ZNF577: variants seen among roughly 807,000 people sequenced by gnomAD.
The protein encoded by ZNF577 is zinc finger protein 577.
In ZNF577, 14 loss-of-function variants were observed where a neutral mutation model predicts 13.9. The ratio of observed to expected loss-of-function variants is 1.00; its 90% CI spans 0.66 to 1.57. The LOEUF is 1.57. Ranked by LOEUF, ZNF577 falls within the 40% of genes most tolerant of loss-of-function variation. ZNF577 has a pLI of 0.00. For missense variants in ZNF577, 555 were observed against 579.2 expected, an observed-to-expected ratio of 0.96 and a Z score of 0.43; for synonymous variants, 203 against 202.9, an observed-to-expected ratio of 1.00 and a Z score of 0.00.
chr19:51,813,283 T>C (rs559338905), intron 9 of ZNF577, among the ~76,000 whole-genome samples: 2 of 152,222 alleles, frequency 1.3e-5, no homozygotes, highest in South Asian at 4.1e-4. Context: ...CCTCACATGG[T>C]AAAAGGGAAA....
Position 51,869,654 on chromosome 19 carries a change from C to A in ZNF577, c.*2878G>T, listed in dbSNP as rs889998343. 6.6e-6 allele frequency among the ~76,000 whole-genome samples: 1 copy of A among 152,028 alleles called. No homozygotes were observed. The highest frequency in any genetic ancestry group is 2.4e-5 in the African/African-American group (1 of 41,304). On this transcript the variant is annotated 3_prime_UTR_variant, in exon 6 of 6. Transcript: ENST00000638348. ...ATTTCTTTTCTCAGTCTCTCGTCCC[C>A]CCTGACGAGAAACACCCACAGGTGT...
At chr19:51,823,603 TTTATG>T in intron 9 of ZNF577, 1 of 689,656 alleles carries the variant, frequency 1.5e-6, no homozygotes, top group East Asian at 2.8e-5. Flanking sequence ...GAGTGCCAAT[TTTATG>T]TTATAACCAT....
chr19:51,852,957 G>A (rs931365461), intron 5 of ZNF577, among the ~76,000 whole-genome samples: 13 of 149,402 alleles, frequency 8.7e-5, no homozygotes, highest in Non-Finnish European at 1.6e-4. Context: ...TTGAGACAGG[G>A]TTTCACTCCC....
At chr19:51,866,179 A>T (rs574196502), downstream of ZNF577, among the ~76,000 whole-genome samples, 58 of 152,052 alleles carry the variant, frequency 3.8e-4, 2 homozygotes, top group South Asian at 7.7e-3. Context: ...GAAATGACAA[A>T]GACTTGAACA....
chr19:51,818,410 G>T (rs2084160359), intron 9 of ZNF577, among the ~76,000 whole-genome samples: 1 of 152,118 alleles, frequency 6.6e-6, no homozygotes, highest in Non-Finnish European at 1.5e-5. Context: ...GTTTCCATTG[G>T]ACAGTGCTAT....
Position 51,870,882 on chromosome 19 carries a change from G to C in ZNF577, c.*1650C>G, listed in dbSNP as rs7255977. ...AGGCTCATCTCATTGTTTCCTTTCT[G>C]TCATGGAAAGCTGTCCTAAGCCCTT... On this transcript the variant is annotated 3_prime_UTR_variant, in exon 6 of 6. Coordinates refer to ENST00000638348, the MANE Select transcript of ZNF577 (RefSeq NM_001370449.1). Among the ~76,000 whole-genome samples, 17,429 of 152,096 alleles carry C rather than the reference G, an allele frequency of 0.11. 1,968 individuals are homozygous for C. The highest frequency in any genetic ancestry group is 0.27 in the African/African-American group (11,332 of 41,426).
chr19:51,828,650 T>C (rs1379213090), intron 9 of ZNF577, among the ~76,000 whole-genome samples: 2 of 152,230 alleles, frequency 1.3e-5, no homozygotes, highest in Non-Finnish European at 2.9e-5. Context: ...CTGAGATTTT[T>C]TTTTTAAAGT....
At chr19:51,849,423 T>C (rs1238882578) in intron 5 of ZNF577, among the ~76,000 whole-genome samples, 1 of 152,172 alleles carries the variant, frequency 6.6e-6, no homozygotes, top group Non-Finnish European at 1.5e-5. Flanking sequence ...AGGCGTTTCG[T>C]TCATGAGAAT....
At chr19:51,876,375 T>C (rs2084762805) in intron 5 of ZNF577, among the ~76,000 whole-genome samples, 1 of 151,866 alleles carries the variant, frequency 6.6e-6, no homozygotes. Context: ...ACATGCTACT[T>C]TGCGAGTCTC....
At chr19:51,807,026 G>A (rs2084063719) in intron 10 of ZNF577, among the ~76,000 whole-genome samples, 1 of 152,200 alleles carries the variant, frequency 6.6e-6, no homozygotes, top group Non-Finnish European at 1.5e-5. Context: ...CTTTATGGTT[G>A]ACAATGTTGA....
At chr19:51,815,977 G>C (rs4802870) in intron 9 of ZNF577, among the ~76,000 whole-genome samples, 1 of 151,918 alleles carries the variant, frequency 6.6e-6, no homozygotes, top group South Asian at 2.1e-4. Flanking sequence ...TGAGGTGGGA[G>C]GATCACTTGA....
intron 1 of ZNF577, chr19:51,886,047 A>G (rs1359599713): frequency 6.6e-6 from 1 of 152,224 alleles, no homozygotes; most frequent in Non-Finnish European, 1.5e-5. Flanking sequence ...AAGAATGTGT[A>G]CCTTAGGATT....
chr19:51,821,412 A>G (rs1293214445), intron 9 of ZNF577, among the ~76,000 whole-genome samples: 1 of 152,196 alleles, frequency 6.6e-6, no homozygotes, highest in East Asian at 1.9e-4. Context: ...AGTTGCTACT[A>G]GCATCGGTGG....
intron 10 of ZNF577, among the ~76,000 whole-genome samples, chr19:51,806,625 G>T (rs1599832150): frequency 6.6e-6 from 1 of 152,124 alleles, no homozygotes; most frequent in East Asian, 1.9e-4. Context: ...CCTGTTTTAT[G>T]GGTTATAGCC....
intron 8 of ZNF577, among the ~76,000 whole-genome samples, chr19:51,842,308 G>A (rs540846847): frequency 7.9e-5 from 12 of 152,310 alleles, no homozygotes; most frequent in Admixed American, 7.2e-4. Context: ...TTAATCCTCA[G>A]TGCAGCAGTG....
intron 5 of ZNF577, among the ~76,000 whole-genome samples, chr19:51,845,221 A>G (rs4802885): frequency 0.068 from 10,411 of 152,208 alleles, 558 homozygotes; most frequent in South Asian, 0.23. Context: ...TTGGCCGGGC[A>G]CGGTGGCTCA....
intron 5 of ZNF577, among the ~76,000 whole-genome samples, chr19:51,874,145 C>A (rs866991361): frequency 7.2e-5 from 11 of 152,204 alleles, no homozygotes; most frequent in Non-Finnish European, 1.3e-4. Flanking sequence ...CAAATGGAGA[C>A]AGAATAGAAA....
At chr19:51,864,018 G>A (rs549750260), downstream of ZNF577, among the ~76,000 whole-genome samples, 4 of 152,304 alleles carry the variant, frequency 2.6e-5, no homozygotes, top group African/African-American at 9.6e-5. Context: ...AACAGTAACA[G>A]GATGCCATTA....
intron 5 of ZNF577, among the ~76,000 whole-genome samples, chr19:51,846,499 G>A (rs556003136): frequency 6.6e-6 from 1 of 152,120 alleles, no homozygotes; most frequent in African/African-American, 2.4e-5. Flanking sequence ...CTTGAGGCCA[G>A]GAGTTTGAGA....
Sources: allele counts gnomAD v4.1 joint callset (sites outside exome capture counted in the v4.1 genomes callset), GRCh38; gene constraint gnomAD v4.1.1; transcripts MANE v1.5; gene names NCBI Gene and HGNC (gene_info 2026-07-23, HGNC 2026-07-21).